The following CADPS variants were observed in gnomAD, a reference collection of about 807,000 sequenced individuals.
CADPS encodes the protein calcium dependent secretion activator.
A neutral mutation model predicts 167.3 loss-of-function variants in CADPS; 57 were observed. The ratio of observed to expected loss-of-function variants is 0.34; its 90% CI spans 0.28 to 0.42. The LOEUF (loss-of-function observed/expected upper bound fraction) is 0.42. CADPS is among the 20% of genes least tolerant of loss of function. The pLI, the probability that CADPS is intolerant of heterozygous loss-of-function variation, is 1.00. For missense variants in CADPS, 1,414 were observed against 1,738.1 expected (o/e 0.81, Z 3.32); for synonymous variants, 676 against 635.3 (o/e 1.06, Z -0.96).
At chr3:62,722,713 G>T (rs754348820) in intron 3 of CADPS, among the ~76,000 whole-genome samples, 1 of 152,314 alleles carries the variant, frequency 6.6e-6, no homozygotes, top group East Asian at 1.9e-4. Context: ...GAGCAAACCT[G>T]CCCTGCTTAG....
At position 62,753,098 on chromosome 3, in the gene CADPS, C is replaced by A. The variant is rs545080158; in HGVS notation, c.888+343G>T. ...CACAAGCCCTTCAACTGGCAAACAC[C>A]AAAGGCAGAACCATATTTTTTAAAA... On this transcript the variant is annotated intron_variant, in intron 3 of 29. Coordinates refer to ENST00000383710, the MANE Select transcript of CADPS (RefSeq NM_003716.4). The surrounding 1 kb of genome is among the most constrained non-coding windows in gnomAD (Gnocchi z 4.6). Among the ~76,000 whole-genome samples, 3 of 152,286 alleles carry A rather than the reference C, an allele frequency of 2.0e-5. No individual in the cohort carries two copies. The highest frequency in any genetic ancestry group is 2.0e-4 in the Admixed American group (3 of 15,296).
intron 3 of CADPS, among the ~76,000 whole-genome samples, chr3:62,697,415 T>A (rs4270498): frequency 0.55 from 83,072 of 151,810 alleles, 24,298 homozygotes; most frequent in East Asian, 0.89. Context: ...AGTTCCATCC[T>A]GGTTACTGAG....
chr3:62,623,975 G>A (rs561538709), intron 6 of CADPS, among the ~76,000 whole-genome samples: 1 of 151,464 alleles, frequency 6.6e-6, no homozygotes. Flanking sequence ...GGGTGGGGGT[G>A]CTCCTGGCAT....
At chr3:62,628,939 T>C (rs1408472892) in intron 6 of CADPS, among the ~76,000 whole-genome samples, 1 of 152,154 alleles carries the variant, frequency 6.6e-6, no homozygotes, top group Non-Finnish European at 1.5e-5. Flanking sequence ...ATGAGCCTTT[T>C]TGTATCATTC....
chr3:62,507,022 C>A (rs2066812514), intron 17 of CADPS, among the ~76,000 whole-genome samples: 1 of 152,182 alleles, frequency 6.6e-6, no homozygotes. Flanking sequence ...TTCCTAGCTA[C>A]ATGAACCAAA....
chr3:62,873,118 A>T (rs2082943153), intron 1 of CADPS, among the ~76,000 whole-genome samples: 1 of 152,250 alleles, frequency 6.6e-6, no homozygotes, highest in African/African-American at 2.4e-5. Context: ...TCTTGTGTGT[A>T]ACCCACCTCC....
chr3:62,431,892 T>TA (rs535334077), intron 28 of CADPS, among the ~76,000 whole-genome samples: 1,948 of 151,138 alleles, frequency 0.013, 49 homozygotes, highest in African/African-American at 0.043. Context: ...AGAAAAAGAT[T>TA]AAAAAAAACA....
chr3:62,840,319 C>T (rs921591629), intron 1 of CADPS, among the ~76,000 whole-genome samples: 2 of 152,074 alleles, frequency 1.3e-5, no homozygotes, highest in Admixed American at 6.6e-5. Flanking sequence ...ACAAATCCGA[C>T]ATCATACTAT....
intron 28 of CADPS, among the ~76,000 whole-genome samples, chr3:62,430,085 C>CA (rs2053611574): frequency 6.6e-6 from 1 of 152,112 alleles, no homozygotes; most frequent in Non-Finnish European, 1.5e-5. Flanking sequence ...AGAATACCAA[C>CA]AAAAAACCCC....
intron 1 of CADPS, among the ~76,000 whole-genome samples, chr3:62,854,122 G>T (rs528750729): frequency 6.6e-6 from 1 of 152,214 alleles, no homozygotes; most frequent in African/African-American, 2.4e-5. Context: ...GAACTAAAAT[G>T]CAGAAATGTC....
Position 62,662,391 on chromosome 3 carries a change from C to T in CADPS, c.892G>A (p.Asp298Asn). Residue 298 changes from aspartate to asparagine, a missense_variant, in exon 4 of 30, where the codon GAC (aspartate) becomes AAC (asparagine). By Grantham distance (23) the Asp-to-Asn change is conservative (BLOSUM62 1). Around this residue, in one of 6 missense-constraint regions of CADPS, gnomAD observed 522 missense variants for 559.5 expected, o/e 0.93. Transcript: ENST00000383710. Reference protein sequence around the residue: ...HQLLYNACQLDNPDEQAAQIR... With the variant: ...HQLLYNACQLNNPDEQAAQIR... ...TGGGCTGCTTGCTCATCTGGATTGT[C>T]CAGCTGCACAAAAGCACAGACATTG... 2 of 1,613,764 alleles carry T rather than the reference C, an allele frequency of 1.2e-6. No homozygotes were observed. The highest frequency in any genetic ancestry group is 1.7e-6 in the Non-Finnish European group (2 of 1,179,800).
At chr3:62,580,050 G>A (rs1007185770) in intron 8 of CADPS, among the ~76,000 whole-genome samples, 1 of 152,154 alleles carries the variant, frequency 6.6e-6, no homozygotes, top group African/African-American at 2.4e-5. Flanking sequence ...CCAGCCCTTT[G>A]AGAGGCTGAG....
chr3:62,818,454 A>G (rs1047171743), intron 1 of CADPS, among the ~76,000 whole-genome samples: 16 of 152,206 alleles, frequency 1.1e-4, no homozygotes, highest in African/African-American at 3.9e-4. Flanking sequence ...CTCCACATCA[A>G]TAGGTATCAG....
rs112315540 is a variant in CADPS at position 62,633,039 on chromosome 3, C to T, written c.1325+12683G>A. On this transcript the variant is annotated intron_variant, in intron 6 of 29. Transcript: ENST00000383710. ...GCTAGCACTACAACTTACAAATTGA[C>T]AAGCAGTGTGTGCAGAGCAGCATCT... 4.7e-3 allele frequency among the ~76,000 whole-genome samples: 715 copies of T among 152,102 alleles called. 5 individuals carry two copies. Among genetic ancestry groups the T allele is most frequent in the Non-Finnish European group, 7.6e-3 (515 of 68,002 alleles).
At chr3:62,655,665 C>G (rs567967465) in intron 4 of CADPS, among the ~76,000 whole-genome samples, 162 of 152,230 alleles carry the variant, frequency 1.1e-3, no homozygotes, top group African/African-American at 3.6e-3. Flanking sequence ...AGGCTGCCCC[C>G]CTTCAGAGTG....
chr3:62,452,592 C>T (rs1040375883), intron 26 of CADPS, among the ~76,000 whole-genome samples: 1 of 151,846 alleles, frequency 6.6e-6, no homozygotes, highest in Admixed American at 6.6e-5. Flanking sequence ...GAGGAGGAAG[C>T]AGGAGAAGAA....
chr3:62,598,556 T>A (rs963252819), intron 6 of CADPS, among the ~76,000 whole-genome samples: 3 of 152,222 alleles, frequency 2.0e-5, no homozygotes, highest in Admixed American at 6.5e-5. Context: ...GATTACTATG[T>A]GCTAGGCACA....
At chr3:62,669,843 T>C (rs2075191034) in intron 3 of CADPS, among the ~76,000 whole-genome samples, 2 of 152,214 alleles carry the variant, frequency 1.3e-5, no homozygotes, top group Non-Finnish European at 2.9e-5. Context: ...CAGCCATTAG[T>C]CCTTGGCATT....
chr3:62,720,088 G>A (rs771420642), intron 3 of CADPS, among the ~76,000 whole-genome samples: 84 of 152,220 alleles, frequency 5.5e-4, no homozygotes, highest in Non-Finnish European at 1.0e-3. Flanking sequence ...TCTCTTTTAA[G>A]GTACTGAGAG....
Sources: allele counts gnomAD v4.1 joint callset (sites outside exome capture counted in the v4.1 genomes callset), GRCh38; gene constraint gnomAD v4.1.1; regional missense constraint gnomAD v4.1.1; non-coding constraint Gnocchi (gnomAD v3.1); transcripts MANE v1.5; gene names NCBI Gene and HGNC (gene_info 2026-07-23, HGNC 2026-07-21).